PLCH1: variants seen among roughly 807,000 people sequenced by gnomAD.
PLCH1 encodes 1-phosphatidylinositol 4,5-bisphosphate phosphodiesterase eta-1.
In PLCH1, 60 loss-of-function variants were observed where a neutral mutation model predicts 126.7. That is an observed-to-expected ratio of 0.47 (90% CI 0.38 to 0.59). The LOEUF (loss-of-function observed/expected upper bound fraction) is 0.59. Among genes scored for constraint, PLCH1 ranks in the 20% least tolerant of loss-of-function variants. The pLI is 0.00. For synonymous variants in PLCH1, 719 were observed against 734.9 expected (o/e 0.98, Z 0.35); for missense variants, 1,723 against 2,040.0 (o/e 0.84, Z 2.99).
intron 2 of PLCH1, among the ~76,000 whole-genome samples, chr3:155,603,633 G>C (rs1321330707): frequency 6.6e-6 from 1 of 152,144 alleles, no homozygotes; most frequent in Non-Finnish European, 1.5e-5. Context: ...TCTATGTTCT[G>C]TGAGTTTATA....
chr3:155,528,655 A>G (rs1338118170), intron 10 of PLCH1, among the ~76,000 whole-genome samples: 1 of 152,266 alleles, frequency 6.6e-6, no homozygotes, highest in Admixed American at 6.5e-5. Flanking sequence ...AGAAATAAAT[A>G]TGAAAAATAA....
At chr3:155,744,587 G>A (rs1749853199) in intron 1 of PLCH1, among the ~76,000 whole-genome samples, 1 of 152,092 alleles carries the variant, frequency 6.6e-6, no homozygotes, top group Admixed American at 6.5e-5. Context: ...ATTATTTCGC[G>A]GACACACACA....
chr3:155,649,441 C>T (rs1277625784), intron 2 of PLCH1, among the ~76,000 whole-genome samples: 2 of 152,154 alleles, frequency 1.3e-5, no homozygotes, highest in Non-Finnish European at 2.9e-5. Flanking sequence ...ATGTACCCTT[C>T]AGGCAGGGTG....
Position 155,565,665 on chromosome 3 carries a change from T to C in PLCH1, c.866-547A>G, listed in dbSNP as rs565687003. On this transcript the variant is annotated intron_variant, in intron 7 of 22. Transcript: ENST00000460012. Reference sequence around the variant, plus strand: ...TAAATTACCTAGCCTCGGGTATTTCTTTCTTTCTTTCCTTCTTTATTTTAT... The same window carrying C: ...TAAATTACCTAGCCTCGGGTATTTCCTTCTTTCTTTCCTTCTTTATTTTAT... Among the ~76,000 whole-genome samples, 64 of 151,516 alleles carry C rather than the reference T, an allele frequency of 4.2e-4. No homozygotes were observed. In the South Asian group the frequency reaches 0.012, roughly 29 times the overall value.
intron 2 of PLCH1, among the ~76,000 whole-genome samples, chr3:155,699,887 G>T (rs766533088): frequency 6.8e-6 from 1 of 146,002 alleles, no homozygotes; most frequent in Non-Finnish European, 1.5e-5. Flanking sequence ...GCAGCATTTT[G>T]CCAGTGCAAC....
At chr3:155,734,767 G>A (rs970561697) in intron 1 of PLCH1, among the ~76,000 whole-genome samples, 2 of 149,566 alleles carry the variant, frequency 1.3e-5, no homozygotes, top group African/African-American at 4.9e-5. Context: ...GGAGTGCAGT[G>A]GTGCAATCTC....
chr3:155,506,682 T>A (rs1383062525), intron 12 of PLCH1, among the ~76,000 whole-genome samples: 1 of 148,654 alleles, frequency 6.7e-6, no homozygotes, highest in Non-Finnish European at 1.5e-5. Flanking sequence ...GGACATGAAC[T>A]CGTCATTTTT....
chr3:155,489,080 T>C (rs1297420359), intron 19 of PLCH1, among the ~76,000 whole-genome samples: 1 of 152,246 alleles, frequency 6.6e-6, no homozygotes, highest in Non-Finnish European at 1.5e-5. Flanking sequence ...AGCTCTTTAG[T>C]ATTCAGAATG....
At chr3:155,526,541 G>A (rs922712600) in intron 10 of PLCH1, among the ~76,000 whole-genome samples, 2 of 139,826 alleles carry the variant, frequency 1.4e-5, no homozygotes, top group African/African-American at 5.3e-5. Context: ...CTGGTGTCGT[G>A]AGCTGTGCTA....
At chr3:155,690,072 A>G (rs996931674) in intron 2 of PLCH1, among the ~76,000 whole-genome samples, 1 of 152,058 alleles carries the variant, frequency 6.6e-6, no homozygotes, top group African/African-American at 2.4e-5. Context: ...AAAAGAACAT[A>G]CAATGCAGCG....
chr3:155,504,277 T>C (rs768903386), intron 13 of PLCH1, among the ~76,000 whole-genome samples: 15 of 152,222 alleles, frequency 9.9e-5, no homozygotes, highest in Non-Finnish European at 1.6e-4. Flanking sequence ...CATTATGTAT[T>C]GGATATGTAT....
At chr3:155,682,795 T>C (rs1744639559) in intron 2 of PLCH1, among the ~76,000 whole-genome samples, 1 of 152,062 alleles carries the variant, frequency 6.6e-6, no homozygotes, top group Middle Eastern at 3.2e-3. Context: ...GATAACAGAG[T>C]ATAACCAAAC....
At chr3:155,682,406 A>T (rs115209105) in intron 2 of PLCH1, among the ~76,000 whole-genome samples, 121 of 152,306 alleles carry the variant, frequency 7.9e-4, no homozygotes, top group African/African-American at 2.2e-3. Context: ...ATGGAATGCT[A>T]CTCTGAGTTC....
intron 8 of PLCH1, among the ~76,000 whole-genome samples, chr3:155,557,362 T>C (rs1726956656): frequency 2.0e-5 from 3 of 152,198 alleles, no homozygotes; most frequent in Admixed American, 2.0e-4. Flanking sequence ...TCCAAAAGAA[T>C]GCAAAGGCGA....
At chr3:155,602,151 T>G (rs922666480) in intron 2 of PLCH1, among the ~76,000 whole-genome samples, 2 of 152,112 alleles carry the variant, frequency 1.3e-5, no homozygotes, top group South Asian at 2.1e-4. Flanking sequence ...TAAAAGATAA[T>G]GAGGAAGATC....
chr3:155,723,061 G>C (rs534224028), intron 1 of PLCH1, among the ~76,000 whole-genome samples: 5 of 151,598 alleles, frequency 3.3e-5, no homozygotes, highest in African/African-American at 7.3e-5. Flanking sequence ...GGATTGTATA[G>C]TTCCAGGAAT....
In PLCH1 at chr3:155,482,332, G is replaced by A. The variant is rs1576784410; in HGVS notation, c.3694C>T (p.His1232Tyr). The change falls in exon 23 of 23, where the codon CAT (histidine) becomes TAT (tyrosine). Residue 1232 changes from histidine to tyrosine, a missense_variant. Around this residue, in one of 2 missense-constraint regions of PLCH1, gnomAD observed 947 missense variants for 977.1 expected, o/e 0.97. Coordinates refer to ENST00000460012, the MANE Select transcript of PLCH1 (RefSeq NM_014996.4). ...TTGGATTTTCCCTTGCAAAAACCAT[G>A]CTTGATGGGCATTTTTAGGCCCAGG... ...PSLGLKMPIK[H>Y]GFCKGKSKSS... 2 of 1,614,154 alleles carry A rather than the reference G, an allele frequency of 1.2e-6. No homozygotes were observed.
At chr3:155,487,775 A>G (rs1715477522) in intron 21 of PLCH1, among the ~76,000 whole-genome samples, 1 of 152,204 alleles carries the variant, frequency 6.6e-6, no homozygotes, top group East Asian at 1.9e-4. Context: ...TGAGAGAATA[A>G]TAGTTTTCTC....
In PLCH1 at chr3:155,514,837, T is replaced by C. The variant is rs766012651; in HGVS notation, c.1518A>G (p.Lys506=). Residue 506 remains lysine (K), a synonymous_variant, in exon 12 of 23, where the codon AAA becomes AAG. Transcript: ENST00000460012. Reference sequence around the variant, plus strand: ...GAGATTCTTTTAACAGTGACTCCAGTTTTTTCCTTATGAAAGATTCCACCT... The same window carrying C: ...GAGATTCTTTTAACAGTGACTCCAGCTTTTTCCTTATGAAAGATTCCACCT... ...EHQVESFIRK[K]LESLLKESQI... is the part of the protein sequence containing the mutation. The C allele has an allele frequency of 1.2e-6, 2 of 1,612,054 alleles. No homozygotes were observed. The highest frequency in any genetic ancestry group is 1.1e-5 in the South Asian group (1 of 90,878).
Sources: gnomAD v4.1 joint callset for allele counts (sites outside exome capture counted in the v4.1 genomes callset) on GRCh38, gnomAD v4.1.1 for gene constraint, gnomAD v4.1.1 regional missense constraint, MANE v1.5 for transcripts, NCBI Gene and HGNC (gene_info 2026-07-23, HGNC 2026-07-21) for gene names.